The following IQCJ variants were observed in gnomAD, a reference collection of about 807,000 sequenced individuals.
IQCJ encodes IQ domain-containing protein J.
In IQCJ, 9 loss-of-function variants were observed where a neutral mutation model predicts 11.0. The ratio of observed to expected loss-of-function variants is 0.82; its 90% confidence interval spans 0.49 to 1.43. The LOEUF is 1.43. Among genes scored for constraint, IQCJ ranks in the 40% most tolerant of loss-of-function variants. The pLI, the probability that IQCJ is intolerant of heterozygous loss-of-function variation, is 0.00. For missense variants in IQCJ, 146 were observed against 133.2 expected (o/e 1.10, Z -0.47); for synonymous variants, 55 against 51.3 (o/e 1.07, Z -0.31).
At chr3:159,208,813 C>A (rs1724796140) in intron 1 of IQCJ, among the ~76,000 whole-genome samples, 1 of 152,114 alleles carries the variant, frequency 6.6e-6, no homozygotes, top group Admixed American at 6.5e-5. Flanking sequence ...ATGAGACAAT[C>A]CTGGATTAGG....
chr3:159,212,047 A>G (rs781775518), intron 1 of IQCJ, among the ~76,000 whole-genome samples: 7 of 151,236 alleles, frequency 4.6e-5, no homozygotes, highest in Non-Finnish European at 8.8e-5. Flanking sequence ...CTTAGATACT[A>G]GATAAGACCA....
At chr3:159,242,331 A>G (rs555816102) in intron 1 of IQCJ, among the ~76,000 whole-genome samples, 2 of 152,334 alleles carry the variant, frequency 1.3e-5, no homozygotes, top group Admixed American at 6.5e-5. Context: ...GAATCAAGAA[A>G]TTAGTAGGTT....
intron 1 of IQCJ, among the ~76,000 whole-genome samples, chr3:159,084,821 T>C (rs1045817498): frequency 6.6e-6 from 1 of 152,050 alleles, no homozygotes; most frequent in Non-Finnish European, 1.5e-5. Flanking sequence ...AGGTTTTATA[T>C]CCTGAGTCTT....
chr3:159,069,950 G>A, intron 1 of IQCJ: 1 of 254,482 alleles, frequency 3.9e-6, no homozygotes, highest in Non-Finnish European at 8.1e-6. Flanking sequence ...TATTGCTGCT[G>A]CACGAGAATT....
At chr3:159,150,172 A>G (rs147865746) in intron 1 of IQCJ, among the ~76,000 whole-genome samples, 1 of 152,190 alleles carries the variant, frequency 6.6e-6, no homozygotes, top group Non-Finnish European at 1.5e-5. Context: ...ATTTGAATGC[A>G]AGTAGTCTCT....
intron 1 of IQCJ, among the ~76,000 whole-genome samples, chr3:159,123,716 G>T (rs1010928509): frequency 2.6e-5 from 4 of 152,148 alleles, no homozygotes; most frequent in African/African-American, 9.7e-5. Context: ...TGATTTTCCA[G>T]CTCCAAGCTC....
chr3:159,152,323 T>C (rs1721276679), intron 1 of IQCJ, among the ~76,000 whole-genome samples: 1 of 152,176 alleles, frequency 6.6e-6, no homozygotes, highest in East Asian at 1.9e-4. Flanking sequence ...AAAAGGCTGT[T>C]AATTCTGGCT....
At chr3:159,161,302 G>A (rs962097469) in intron 1 of IQCJ, among the ~76,000 whole-genome samples, 4 of 152,194 alleles carry the variant, frequency 2.6e-5, no homozygotes, top group Non-Finnish European at 5.9e-5. Context: ...ACTTTTTCAT[G>A]TGTTTTTTGG....
At chr3:159,114,648 G>A (rs1031024293) in intron 1 of IQCJ, among the ~76,000 whole-genome samples, 1 of 152,014 alleles carries the variant, frequency 6.6e-6, no homozygotes, top group South Asian at 2.1e-4. Context: ...GGCGAAATTC[G>A]GAACTCCCTT....
At chr3:159,166,596 C>G (rs1722178379) in intron 1 of IQCJ, among the ~76,000 whole-genome samples, 1 of 152,152 alleles carries the variant, frequency 6.6e-6, no homozygotes, top group African/African-American at 2.4e-5. Context: ...AGAACTAGCT[C>G]AAGAATTTGG....
chr3:159,196,088 A>G (rs1162899446), intron 1 of IQCJ, among the ~76,000 whole-genome samples: 3 of 152,234 alleles, frequency 2.0e-5, no homozygotes, highest in Non-Finnish European at 4.4e-5. Flanking sequence ...AAAGTAAAAT[A>G]CAGCAACATA....
At chr3:159,083,224 A>G (rs1317505783) in intron 1 of IQCJ, among the ~76,000 whole-genome samples, 1 of 152,156 alleles carries the variant, frequency 6.6e-6, no homozygotes, top group Non-Finnish European at 1.5e-5. Flanking sequence ...TAACAAAGGA[A>G]TTGTATCTAG....
At chr3:159,201,817 C>CTGT (rs1466960468) in intron 1 of IQCJ, among the ~76,000 whole-genome samples, 2 of 151,812 alleles carry the variant, frequency 1.3e-5, no homozygotes, top group East Asian at 1.9e-4. Context: ...TGGAAGTTTT[C>CTGT]TGTTGTTGTT....
chr3:159,140,238 G>A (rs1390709445), intron 1 of IQCJ, among the ~76,000 whole-genome samples: 4 of 152,286 alleles, frequency 2.6e-5, no homozygotes, highest in African/African-American at 9.6e-5. Flanking sequence ...ATAATGACAT[G>A]TACCTACCAT....
intron 1 of IQCJ, among the ~76,000 whole-genome samples, chr3:159,235,046 C>T (rs544836669): frequency 1.6e-4 from 25 of 152,230 alleles, no homozygotes; most frequent in Middle Eastern, 3.4e-3. Flanking sequence ...TATGGATTCA[C>T]GTATCCACAT....
intron 1 of IQCJ, among the ~76,000 whole-genome samples, chr3:159,106,537 GGA>G (rs1181986684): frequency 1.3e-5 from 2 of 151,884 alleles, no homozygotes; most frequent in African/African-American, 4.8e-5. Context: ...GGGGAAGCGG[GGA>G]GAGAGAGAGA....
intron 1 of IQCJ, among the ~76,000 whole-genome samples, chr3:159,212,268 G>C (rs1724997638): frequency 6.6e-6 from 1 of 152,086 alleles, no homozygotes; most frequent in South Asian, 2.1e-4. Context: ...TTTGGAAGTA[G>C]AGTACTTGTG....
chr3:159,070,142 C>T (rs1275364532), intron 1 of IQCJ: 1 of 161,922 alleles, frequency 6.2e-6, no homozygotes, highest in Non-Finnish European at 1.4e-5. Context: ...CCAAATCCTT[C>T]TATGTTTTCT....
intron 1 of IQCJ, among the ~76,000 whole-genome samples, chr3:159,087,797 A>G (rs1716907099): frequency 1.3e-5 from 2 of 151,202 alleles, no homozygotes; most frequent in South Asian, 4.2e-4. Flanking sequence ...CATCTATTTG[A>G]GTCTTCTCTC....
Sources: allele counts gnomAD v4.1 joint callset (sites outside exome capture counted in the v4.1 genomes callset), GRCh38; gene constraint gnomAD v4.1.1; transcripts MANE v1.5; gene names NCBI Gene and HGNC (gene_info 2026-07-23, HGNC 2026-07-21).